Variants in AXL observed in about 807,000 individuals in gnomAD.
AXL encodes the protein tyrosine-protein kinase receptor UFO.
In AXL, 52 loss-of-function variants were observed where a neutral mutation model predicts 104.5. The observed-to-expected ratio is 0.50, with a 90% CI of 0.40 to 0.63. AXL has a LOEUF of 0.63. AXL is among the 20% of genes least tolerant of loss of function. The pLI is 0.00. For missense variants in AXL, 1,024 were observed against 1,188.5 expected, an observed-to-expected ratio of 0.86 and a Z score of 2.04; for synonymous variants, 455 against 473.7, an observed-to-expected ratio of 0.96 and a Z score of 0.51.
chr19:41,243,861 G>A (rs1396965150), intron 12 of AXL, 154 bp downstream of exon 12: 5 of 620,464 alleles, frequency 8.1e-6, no homozygotes, highest in Non-Finnish European at 1.5e-5. Context: ...TAACAGATTT[G>A]TGGAACCACA....
chr19:41,248,967 T>C (rs1209085002), intron 14 of AXL, 147 bp downstream of exon 14: 6 of 812,610 alleles, frequency 7.4e-6, no homozygotes, highest in African/African-American at 3.5e-5. Context: ...ATAGAAGGAA[T>C]TGAATATGGG....
chr19:41,238,298 C>T, intron 7 of AXL, 144 bp downstream of exon 7: 1 of 1,424,796 alleles, frequency 7.0e-7, no homozygotes, highest in Non-Finnish European at 9.7e-7. Flanking sequence ...CTCAGCAGCA[C>T]TGCCCGCTGG....
In AXL at chr19:41,239,202, G is replaced by A. The variant is rs1568413428; in HGVS notation, c.1173G>A (p.Leu391=). The change falls in exon 9 of 20, where the codon CTG becomes CTA. Residue 391 remains leucine, a synonymous_variant. Transcript: ENST00000301178. ...TAGGGCTAAGGCAAGAGGTGACCCTGGAGCTGCAGGGGGACGGGTCTGTGT... is the reference window on the plus strand; with the variant it reads ...TAGGGCTAAGGCAAGAGGTGACCCTAGAGCTGCAGGGGGACGGGTCTGTGT... ...MDIGLRQEVT[L]ELQGDGSVSN... is the part of the protein sequence containing the mutation. 6.2e-7 allele frequency: 1 copy of A among 1,613,336 alleles called. No individual in the cohort carries two copies. Among genetic ancestry groups the A allele is most frequent in the East Asian group, 2.2e-5 (1 of 44,862 alleles).
intron 3 of AXL, 54 bp downstream of exon 3, chr19:41,221,300 G>A: frequency 6.5e-7 from 1 of 1,531,112 alleles, no homozygotes; most frequent in Non-Finnish European, 8.9e-7. Flanking sequence ...GGCGCTCATA[G>A]GTTGTGGGAA....
chr19:41,248,804 T>C lies in AXL; in HGVS notation c.1695T>C (p.Ala565=). The part of the protein sequence containing the change: ...LNQDDSILKV[A]VKTMKIAICT... ...AGGACGACTCCATCCTCAAGGTGGC[T>C]GTGAAGACGATGAAGAGTGAGTTAC... is the stretch of plus-strand genomic sequence containing the variant. Residue 565 remains alanine, a synonymous_variant, in exon 14 of 20, where the codon GCT becomes GCC. Coordinates refer to ENST00000301178, the MANE Select transcript of AXL (RefSeq NM_021913.5). 2.5e-6 allele frequency: 4 copies of C among 1,612,582 alleles called. No individual in the cohort carries two copies. The highest frequency in any genetic ancestry group is 2.5e-6 in the Non-Finnish European group (3 of 1,179,202).
At chr19:41,252,989 A>C (rs1290174658) in intron 16 of AXL, 22 bp downstream of exon 16, 1 of 1,613,208 alleles carries the variant, frequency 6.2e-7, no homozygotes, top group Admixed American at 1.7e-5. Flanking sequence ...TTAATCATTC[A>C]GTCTACAAAT....
rs574315254 is a variant in AXL at position 41,242,315 on chromosome 19, C to CTT, written c.1313-543_1313-542dup. On this transcript the variant is annotated intron_variant, in intron 10 of 19. Coordinates refer to ENST00000301178, the MANE Select transcript of AXL (RefSeq NM_021913.5). ...ACCACCTGAACTATCCTGGCACTCT[C>CTT]TTTTTTTTTTTTTTTTTTTTTTTTT... Among the ~76,000 whole-genome samples, 34 of 83,884 alleles carry CTT rather than the reference C, an allele frequency of 4.1e-4. 1 individual carries two copies. Among genetic ancestry groups the CTT allele is most frequent in the African/African-American group, 6.8e-4 (10 of 14,732 alleles). 55.0% of individuals were successfully genotyped at this position (83,884 alleles called of 152,430 possible). A position where few individuals can be genotyped will look rare whatever the true frequency, so the allele number is the denominator to read the frequency against.
chr19:41,236,619 G>A (rs1247747980), intron 6 of AXL, among the ~76,000 whole-genome samples: 1 of 151,398 alleles, frequency 6.6e-6, no homozygotes, highest in African/African-American at 2.4e-5. Context: ...TGTCTCTACT[G>A]AAAATACGGC....
chr19:41,252,238 C>T, intron 14 of AXL, 113 bp from the exon 15 acceptor site: 1 of 882,858 alleles, frequency 1.1e-6, no homozygotes. Context: ...ACTTACTAAT[C>T]ATGTTTGATG....
Position 41,248,581 on chromosome 19 carries a change from G to A in AXL, c.1605G>A (p.Lys535=), listed in dbSNP as rs779886857. Residue 535 remains lysine (K), a synonymous_variant, in exon 13 of 20, where the codon AAG becomes AAA. Coordinates refer to ENST00000301178, the MANE Select transcript of AXL (RefSeq NM_021913.5). ...GGGATGTGATGGTGGACCGGCACAAGGTGGCCCTGGGGAAGACTCTGGGAG... is the reference window on the plus strand; with the variant it reads ...GGGATGTGATGGTGGACCGGCACAAAGTGGCCCTGGGGAAGACTCTGGGAG... ...KLRDVMVDRH[K]VALGKTLGEG... 1.2e-6 allele frequency: 2 copies of A among 1,614,188 alleles called. No individual in the cohort carries two copies. The highest frequency in any genetic ancestry group is 1.7e-5 in the Admixed American group (1 of 60,020).
Position 41,230,298 on chromosome 19 carries a change from GTATC to G in AXL, c.587-667_587-664del, listed in dbSNP as rs377177705. Among the ~76,000 whole-genome samples the G allele has an allele frequency of 5.8e-3, 875 of 150,110 alleles. 6 individuals carry two copies. Among genetic ancestry groups the G allele is most frequent in the African/African-American group, 0.021 (841 of 40,636 alleles). On this transcript the variant is annotated intron_variant, in intron 4 of 19. Transcript: ENST00000301178. ...TGTGAGCATGTGTGTGTATGAGTAT[GTATC>G]TCTCTCTGGGGTGTAAGAATGTGTG...
rs1401355628 is a variant in AXL at position 41,259,911 on chromosome 19, C to T, written c.*7C>T. The stretch of plus-strand genomic sequence containing the variant: ...GCAGGAGGATGGTGCCTGAGACAAC[C>T]CTCCACCTGGTACTCCCTCTCAGGA... On this transcript the variant is annotated 3_prime_UTR_variant, in exon 20 of 20. Transcript: ENST00000301178. The T allele has an allele frequency of 6.5e-7, 1 of 1,547,942 alleles. No individual in the cohort carries two copies. The highest frequency in any genetic ancestry group is 8.7e-7 in the Non-Finnish European group (1 of 1,145,646).
chr19:41,233,532 G>A (rs1419588365), intron 6 of AXL, among the ~76,000 whole-genome samples: 1 of 151,460 alleles, frequency 6.6e-6, no homozygotes, highest in Non-Finnish European at 1.5e-5. Context: ...TCGGGAGGCT[G>A]AAGTGGGACA....
rs759547396 is a variant in AXL, at chr19:41,222,042, G to C, written c.572G>C (p.Ser191Thr). 1.5e-4 allele frequency: 233 copies of C among 1,579,622 alleles called. No individual in the cohort carries two copies. The highest frequency in any genetic ancestry group is 1.9e-4 in the Non-Finnish European group (226 of 1,165,744). Residue 191 changes from serine (S) to threonine (T), a missense_variant, in exon 4 of 20, where the codon AGC (serine) becomes ACC (threonine). Transcript: ENST00000301178. ...ATAPGHGPQR[S>T]LHVPGLNKTS... Reference sequence around the variant, plus strand: ...GCTCCAGGTCACGGCCCCCAGCGCAGCCTGCATGTTCCAGGTGAGTCCGGG... The same window carrying C: ...GCTCCAGGTCACGGCCCCCAGCGCACCCTGCATGTTCCAGGTGAGTCCGGG...
At chr19:41,221,721 G>A (rs2122197850) in intron 3 of AXL, 159 bp from the exon 4 acceptor site, 1 of 693,648 alleles carries the variant, frequency 1.4e-6, no homozygotes, top group African/African-American at 1.8e-5. Flanking sequence ...GGTCACGTGT[G>A]TGTTGGGTAT....
intron 6 of AXL, among the ~76,000 whole-genome samples, chr19:41,236,245 A>T (rs1333173690): frequency 6.6e-6 from 1 of 151,218 alleles, no homozygotes; most frequent in Non-Finnish European, 1.5e-5. Context: ...AAGCAGAAGA[A>T]TTACTTGAGC....
At position 41,231,189 on chromosome 19, in the gene AXL, C is replaced by T; in HGVS notation, c.674C>T (p.Pro225Leu). The change falls in exon 6 of 20, where the codon CCC becomes CTC. Residue 225 changes from proline (P) to leucine (L), a missense_variant. Coordinates refer to ENST00000301178, the MANE Select transcript of AXL (RefSeq NM_021913.5). ...TSRTATITVL[P>L]QQPRNLHLVS... The stretch of plus-strand genomic sequence containing the variant: ...CTCTCCCGTTTGTCCACAGTGCTCC[C>T]CCAGCAGCCCCGTAACCTCCACCTG... 6.2e-7 allele frequency: 1 copy of T among 1,612,106 alleles called. No individual in the cohort carries two copies. The highest frequency in any genetic ancestry group is 8.5e-7 in the Non-Finnish European group (1 of 1,178,926).
intron 12 of AXL, among the ~76,000 whole-genome samples, chr19:41,244,128 C>T (rs1021116925): frequency 2.6e-5 from 4 of 151,834 alleles, no homozygotes; most frequent in Non-Finnish European, 5.9e-5. Context: ...CACCTGAGCC[C>T]AGGGAGGTCA....
chr19:41,227,488 CTT>C (rs34569295), intron 4 of AXL, among the ~76,000 whole-genome samples: 52 of 135,412 alleles, frequency 3.8e-4, no homozygotes, highest in Non-Finnish European at 4.8e-4. Context: ...ACCCTGGGGC[CTT>C]TTTTTTTTTT....
Sources: allele counts gnomAD v4.1 joint callset (sites outside exome capture counted in the v4.1 genomes callset), GRCh38; gene constraint gnomAD v4.1.1; transcripts MANE v1.5; gene names NCBI Gene and HGNC (gene_info 2026-07-23, HGNC 2026-07-21).